The following NUF2 variants were observed in gnomAD, a reference collection of about 807,000 sequenced individuals.
NUF2 encodes kinetochore protein Nuf2.
In NUF2, 34 loss-of-function variants were observed where a neutral mutation model predicts 61.8. The observed-to-expected ratio is 0.55, with a 90% CI of 0.42 to 0.73. The LOEUF (loss-of-function observed/expected upper bound fraction) is 0.73, where lower values mean the gene tolerates loss of function less well. Ranked by LOEUF, NUF2 falls within the 30% of genes least tolerant of loss-of-function variation. The probability of loss-of-function intolerance (pLI) is 0.00; values close to 1 mark genes in which losing one functional copy is unlikely to be tolerated. For synonymous variants in NUF2, 172 were observed against 181.6 expected, an observed-to-expected ratio of 0.95 and a Z score of 0.42; for missense variants, 445 against 539.1, an observed-to-expected ratio of 0.83 and a Z score of 1.73.
chr1:163,348,028 T>C, intron 12 of NUF2, 90 bp downstream of exon 12: 13 of 958,570 alleles, frequency 1.4e-5, no homozygotes, highest in Non-Finnish European at 1.9e-5. Flanking sequence ...CCTCGGTATT[T>C]TCCAAAAGAG....
chr1:163,349,294 T>G (rs552020058), intron 13 of NUF2, among the ~76,000 whole-genome samples: 29 of 152,268 alleles, frequency 1.9e-4, no homozygotes, highest in African/African-American at 6.7e-4. Flanking sequence ...CTCCTACATT[T>G]TTATCTTTAA....
intron 9 of NUF2, among the ~76,000 whole-genome samples, chr1:163,343,372 G>T (rs868332545): frequency 1.3e-5 from 2 of 152,142 alleles, no homozygotes; most frequent in Non-Finnish European, 2.9e-5. Flanking sequence ...CAGGCAGACC[G>T]GAGTGGGATA....
At chr1:163,334,830 G>C (rs1414643416) in intron 5 of NUF2, among the ~76,000 whole-genome samples, 3 of 152,134 alleles carry the variant, frequency 2.0e-5, no homozygotes, top group Non-Finnish European at 4.4e-5. Context: ...TTTTTCTTGA[G>C]CCCTCGGTGG....
chr1:163,349,223 G>C, intron 13 of NUF2, 143 bp downstream of exon 13: 1 of 691,844 alleles, frequency 1.4e-6, no homozygotes, highest in Non-Finnish European at 2.4e-6. Context: ...TTCTTGTTTT[G>C]AATATATTTA....
intron 3 of NUF2, chr1:163,327,971 G>A (rs896741300): frequency 1.3e-5 from 5 of 391,086 alleles, no homozygotes; most frequent in African/African-American, 1.0e-4. Context: ...TGAGCTTTTA[G>A]CAAATTATTT....
At chr1:163,351,676 T>G (rs1651326351) in intron 13 of NUF2, among the ~76,000 whole-genome samples, 1 of 152,234 alleles carries the variant, frequency 6.6e-6, no homozygotes. Context: ...CTACCTTGAT[T>G]CAGGCTACGT....
chr1:163,326,263 G>A, intron 2 of NUF2, 89 bp downstream of exon 2: 1 of 1,235,258 alleles, frequency 8.1e-7, no homozygotes, highest in Non-Finnish European at 1.1e-6. Context: ...AAGGGATATG[G>A]CCTCCTATTT....
chr1:163,340,145 T>G (rs1171532913), intron 8 of NUF2: 2 of 487,864 alleles, frequency 4.1e-6, no homozygotes, highest in African/African-American at 4.1e-5. Context: ...GCTACAATGT[T>G]AGGACATAAA....
In NUF2 at chr1:163,349,468, A is replaced by G. The variant is rs146777662; in HGVS notation, c.1260+388A>G. Among the ~76,000 whole-genome samples, 401 of 152,310 alleles carry G rather than the reference A, an allele frequency of 2.6e-3. 4 individuals are homozygous for G. Among genetic ancestry groups the G allele is most frequent in the African/African-American group, 8.2e-3 (340 of 41,584 alleles). ...TCTTCAAGAGTGTTCTACCAGAACA[A>G]TAGTTCAAACTGCTCTGCCAGAAAT... On this transcript the variant is annotated intron_variant, in intron 13 of 13. Coordinates refer to ENST00000271452, the MANE Select transcript of NUF2 (RefSeq NM_145697.3).
rs776240945 is a variant in NUF2 at position 163,348,979 on chromosome 1, G to A, written c.1159G>A (p.Val387Ile). ...TAAAGTTCAAGAAAAAAGAGGTGCT[G>A]TCTATGAACGAGTAACCACAATTAA... ...CNKVQEKRGA[V>I]YERVTTINQE... Residue 387 changes from valine (V) to isoleucine (I), a missense_variant, in exon 13 of 14, where the codon GTC becomes ATC. By Grantham distance (29) the Val-to-Ile change is conservative. Coordinates refer to ENST00000271452, the MANE Select transcript of NUF2 (RefSeq NM_145697.3). 4 of 1,609,824 alleles carry A rather than the reference G, an allele frequency of 2.5e-6. No homozygotes were observed. In the African/African-American group the frequency reaches 4.0e-5, roughly 16 times the overall value.
rs763988964 is a variant in NUF2, at chr1:163,343,824, A to T, written c.761A>T (p.Tyr254Phe). The T allele has an allele frequency of 1.4e-6, 2 of 1,457,982 alleles. No homozygotes were observed. The highest frequency in any genetic ancestry group is 5.2e-5 in the East Asian group (2 of 38,160). The allele number at this position is 1,457,982 out of a possible 1,614,324, so 90.3% of individuals were successfully genotyped here. ...GATTCTCCAGAGAAGTTAAAGAATT[A>T]TAAAGAAAAAATGAAAGATACGGTC... ...IVDSPEKLKN[Y>F]KEKMKDTVQK... The change falls in exon 10 of 14, where the codon TAT (tyrosine) becomes TTT (phenylalanine). Residue 254 changes from tyrosine to phenylalanine, a missense_variant. Tyr to Phe is a conservative substitution (Grantham distance 22, BLOSUM62 3). Transcript: ENST00000271452.
intron 2 of NUF2, among the ~76,000 whole-genome samples, 182 bp downstream of exon 2, chr1:163,326,356 A>G (rs1246693644): frequency 6.6e-6 from 1 of 151,744 alleles, no homozygotes; most frequent in Non-Finnish European, 1.5e-5. Context: ...ATGTGTGGTG[A>G]CTTCTACATT....
chr1:163,355,317 GT>G lies in NUF2; in HGVS notation c.1261-15del, dbSNP rs757665896. On this transcript the variant is annotated splice_polypyrimidine_tract_variant and intron_variant, in intron 13 of 13. Transcript: ENST00000271452. ...TGTTGCATGGAATAATTATTATTCT[GT>G]TTCATTTTCTACTTAGGAAATATTT... The G allele has an allele frequency of 6.3e-7, 1 of 1,575,422 alleles. No homozygotes were observed. The highest frequency in any genetic ancestry group is 8.6e-7 in the Non-Finnish European group (1 of 1,157,796).
chr1:163,335,875 C>T (rs1650742361), intron 5 of NUF2, among the ~76,000 whole-genome samples: 1 of 152,000 alleles, frequency 6.6e-6, no homozygotes, highest in South Asian at 2.1e-4. Context: ...TACTGTTATT[C>T]CCATCAGTGT....
intron 7 of NUF2, 92 bp downstream of exon 7, chr1:163,338,185 G>C: frequency 1.2e-6 from 1 of 854,654 alleles, no homozygotes; most frequent in Non-Finnish European, 1.9e-6. Context: ...TCCACCTTAA[G>C]TCTCTTTTAT....
intron 5 of NUF2, among the ~76,000 whole-genome samples, chr1:163,336,327 A>G (rs1348018950): frequency 1.3e-5 from 2 of 152,154 alleles, no homozygotes; most frequent in East Asian, 1.9e-4. Context: ...AAGATGTACA[A>G]GTTTTATTTG....
In NUF2 at chr1:163,327,491, G is replaced by T. The variant is rs1557946534; in HGVS notation, c.127G>T (p.Glu43Ter). 1 of 1,604,060 alleles carries T rather than the reference G, an allele frequency of 6.2e-7. No homozygotes were observed. Among genetic ancestry groups the T allele is most frequent in the Non-Finnish European group, 8.5e-7 (1 of 1,171,624 alleles). ...KNDLYPNPKP[E>*]VLHMIYMRAL... is the part of the protein sequence containing the mutation. ...TCAAAGTTGTTTTTTGCTGTAGCCT[G>T]AAGTCTTGCACATGATCTACATGAG... Residue 43 changes from glutamate (E) to a stop codon, truncating the protein, a stop_gained, in exon 3 of 14, where the codon GAA (glutamate) becomes TAA (stop). Coordinates refer to ENST00000271452, the MANE Select transcript of NUF2 (RefSeq NM_145697.3). LOFTEE classifies it high-confidence loss of function.
rs1396703665 is a variant in NUF2 at position 163,355,350 on chromosome 1, T to C, written c.1276T>C (p.Leu426=). 1 of 1,600,012 alleles carries C rather than the reference T, an allele frequency of 6.2e-7. No individual in the cohort carries two copies. The highest frequency in any genetic ancestry group is 2.3e-5 in the East Asian group (1 of 44,336). Residue 426 remains leucine (L), a synonymous_variant, in exon 14 of 14, where the codon TTG becomes CTG. Transcript: ENST00000271452. ...TTCTACTTAGGAAATATTTCTAAAC[T>C]TGAAAACTGCTTTGGAGAAATACCA... The part of the protein sequence containing the change: ...KLKSQEIFLN[L]KTALEKYHDG...
chr1:163,353,259 T>TG (rs11374472), intron 13 of NUF2, among the ~76,000 whole-genome samples: 89,032 of 151,914 alleles, frequency 0.59, 26,537 homozygotes, highest in Middle Eastern at 0.68. Context: ...AATAATATAT[T>TG]GGTTGACTAA....
Sources: allele counts gnomAD v4.1 joint callset (sites outside exome capture counted in the v4.1 genomes callset), GRCh38; gene constraint gnomAD v4.1.1; transcripts MANE v1.5; gene names NCBI Gene and HGNC (gene_info 2026-07-23, HGNC 2026-07-21).